The following CDH13 variants were observed in gnomAD, a reference collection of about 807,000 sequenced individuals.
CDH13 encodes cadherin 13, also known as cadherin-13.
CDH13 carries 24 observed loss-of-function variants against 63.8 expected under a neutral mutation model. The observed-to-expected ratio is 0.38, with a 90% CI of 0.27 to 0.53. The LOEUF (loss-of-function observed/expected upper bound fraction) is 0.53, where lower values mean the gene tolerates loss of function less well. CDH13 is among the 20% of genes least tolerant of loss of function. The pLI is 0.85. For missense variants in CDH13, 1,049 were observed against 903.1 expected, an observed-to-expected ratio of 1.16 and a Z score of -2.07; for synonymous variants, 503 against 355.3, an observed-to-expected ratio of 1.42 and a Z score of -4.67.
At chr16:83,030,991 T>C (rs1916256644) in intron 2 of CDH13, among the ~76,000 whole-genome samples, 1 of 151,698 alleles carries the variant, frequency 6.6e-6, no homozygotes, top group African/African-American at 2.4e-5. Context: ...ATTAAGGAGC[T>C]GTTTTCAGAG....
chr16:82,907,422 T>A (rs546975949), intron 2 of CDH13, among the ~76,000 whole-genome samples: 11 of 152,242 alleles, frequency 7.2e-5, no homozygotes, highest in South Asian at 2.1e-4. Context: ...TAGGGAGATA[T>A]AGTGAATTTT....
chr16:83,131,583 G>A (rs892221924), intron 4 of CDH13, among the ~76,000 whole-genome samples: 2 of 151,962 alleles, frequency 1.3e-5, no homozygotes, highest in South Asian at 2.1e-4. Context: ...TGAGTTCTTG[G>A]GCCCGATTGA....
intron 3 of CDH13, among the ~76,000 whole-genome samples, chr16:83,092,927 T>G: frequency 6.6e-6 from 1 of 152,318 alleles, no homozygotes; most frequent in Non-Finnish European, 1.5e-5. Flanking sequence ...AACGGTACTT[T>G]TGCGCAAGAT....
chr16:83,725,421 C>G (rs1485921870), intron 10 of CDH13: 2 of 152,316 alleles, frequency 1.3e-5, no homozygotes, highest in East Asian at 3.9e-4. Flanking sequence ...CCACCTCCTC[C>G]AGGCCTACAC....
At chr16:83,733,788 C>T (rs890062960) in intron 10 of CDH13, among the ~76,000 whole-genome samples, 3 of 152,158 alleles carry the variant, frequency 2.0e-5, no homozygotes, top group Non-Finnish European at 4.4e-5. Context: ...TCCCAGTGAG[C>T]GTGTTTCTTT....
At chr16:82,835,229 C>T (rs2038715183) in intron 1 of CDH13, among the ~76,000 whole-genome samples, 1 of 152,156 alleles carries the variant, frequency 6.6e-6, no homozygotes, top group South Asian at 2.1e-4. Flanking sequence ...TTGGACTCAC[C>T]ACATTTCAGG....
intron 11 of CDH13, among the ~76,000 whole-genome samples, chr16:83,769,130 G>C (rs898096589): frequency 6.6e-6 from 1 of 152,196 alleles, no homozygotes; most frequent in Non-Finnish European, 1.5e-5. Context: ...GAGATCAAGA[G>C]TACAGGGTGA....
At chr16:83,599,063 G>C (rs1382725665) in intron 7 of CDH13, among the ~76,000 whole-genome samples, 2 of 152,158 alleles carry the variant, frequency 1.3e-5, no homozygotes, top group Non-Finnish European at 2.9e-5. Flanking sequence ...CCACCCACCT[G>C]AACTGTACCT....
At chr16:82,747,305 C>T (rs1400352921) in intron 1 of CDH13, among the ~76,000 whole-genome samples, 2 of 152,160 alleles carry the variant, frequency 1.3e-5, no homozygotes, top group Non-Finnish European at 2.9e-5. Context: ...AGAAGACCCT[C>T]AGGAGTATGC....
chr16:83,517,331 C>A (rs974975421), intron 7 of CDH13, among the ~76,000 whole-genome samples: 2 of 152,182 alleles, frequency 1.3e-5, no homozygotes, highest in African/African-American at 2.4e-5. Flanking sequence ...ACAAGTTAAC[C>A]CCCAAATTTT....
intron 1 of CDH13, among the ~76,000 whole-genome samples, chr16:82,699,721 C>T (rs1183270960): frequency 6.6e-6 from 1 of 152,214 alleles, no homozygotes; most frequent in African/African-American, 2.4e-5. Flanking sequence ...GTTTTACCTT[C>T]TCCCACCCAC....
chr16:82,738,342 G>T (rs972921044), intron 1 of CDH13, among the ~76,000 whole-genome samples: 1 of 152,180 alleles, frequency 6.6e-6, no homozygotes, highest in Admixed American at 6.5e-5. Context: ...TTTAATTTGT[G>T]TTCCTGTCAA....
chr16:82,689,679 G>A (rs185699398), intron 1 of CDH13, among the ~76,000 whole-genome samples: 4 of 152,000 alleles, frequency 2.6e-5, no homozygotes, highest in Admixed American at 1.3e-4. Context: ...GCCCCCTCCC[G>A]TTTCTGTAAA....
intron 10 of CDH13, among the ~76,000 whole-genome samples, chr16:83,734,335 G>A (rs919087627): frequency 6.6e-6 from 1 of 152,076 alleles, no homozygotes; most frequent in Non-Finnish European, 1.5e-5. Context: ...GGCTTTAATC[G>A]GGTGCTGCTG....
chr16:82,925,986 C>T (rs1478106701), intron 2 of CDH13: 2 of 152,032 alleles, frequency 1.3e-5, no homozygotes, highest in Non-Finnish European at 2.9e-5. Context: ...AGCCTCTGAT[C>T]AACACAGGAT....
intron 4 of CDH13, among the ~76,000 whole-genome samples, chr16:83,129,305 A>G (rs1041946111): frequency 6.6e-6 from 1 of 152,232 alleles, no homozygotes; most frequent in African/African-American, 2.4e-5. Context: ...ATAGAATGCC[A>G]TTTGAAGAAG....
intron 2 of CDH13, among the ~76,000 whole-genome samples, chr16:82,946,532 C>T (rs1429702666): frequency 6.6e-6 from 1 of 151,972 alleles, no homozygotes; most frequent in Non-Finnish European, 1.5e-5. Context: ...ACCAGCCTGG[C>T]CAAGATGGCA....
chr16:83,380,563 A>G lies in CDH13; in HGVS notation c.781+35557A>G, dbSNP rs144176469. On this transcript the variant is annotated intron_variant, in intron 6 of 13. Coordinates refer to ENST00000567109, the MANE Select transcript of CDH13 (RefSeq NM_001257.5). ...CATTTCTTTTTATCACATAAAAGAC[A>G]TTCAGAGGTCTGTATAGGGCAGTCT... Among the ~76,000 whole-genome samples the G allele has an allele frequency of 5.5e-3, 840 of 152,364 alleles. 3 individuals are homozygous for G. The highest frequency in any genetic ancestry group is 0.024 in the Middle Eastern group (7 of 294).
intron 1 of CDH13, among the ~76,000 whole-genome samples, chr16:82,749,112 CAGTG>C (rs2034305018): frequency 6.6e-6 from 1 of 151,172 alleles, no homozygotes; most frequent in Non-Finnish European, 1.5e-5. Flanking sequence ...CAAATGGACA[CAGTG>C]AGTTGGATAA....
Sources: gnomAD v4.1 joint callset for allele counts (sites outside exome capture counted in the v4.1 genomes callset) on GRCh38, gnomAD v4.1.1 for gene constraint, MANE v1.5 for transcripts, NCBI Gene and HGNC (gene_info 2026-07-23, HGNC 2026-07-21) for gene names.